HNRNPU: variants seen among roughly 807,000 people sequenced by gnomAD.
The protein encoded by HNRNPU is HNRNPU antisense RNA 1.
HNRNPU carries 5 observed loss-of-function variants against 94.7 expected under a neutral mutation model. The ratio of observed to expected loss-of-function variants is 0.05; its 90% confidence interval spans 0.03 to 0.11. HNRNPU has a LOEUF of 0.11. HNRNPU is among the 10% of genes least tolerant of loss of function. The pLI, the probability that HNRNPU is intolerant of heterozygous loss-of-function variation, is 1.00. For missense variants in HNRNPU, 710 were observed against 1,049.2 expected, an observed-to-expected ratio of 0.68 and a Z score of 4.47; for synonymous variants, 434 against 381.6, an observed-to-expected ratio of 1.14 and a Z score of -1.60.
chr1:244,851,453 T>G lies in HNRNPU; in HGVS notation c.*2997A>C, dbSNP rs2102982579. On this transcript the variant is annotated 3_prime_UTR_variant, in exon 14 of 14. Transcript: ENST00000640218. ...TCCAATTCCCACAAATGAGACATTT[T>G]AAATACAGAATACACTCTGTTCATG... The G allele has an allele frequency of 1.3e-5, 2 of 152,258 alleles. No homozygotes were observed. Among genetic ancestry groups the G allele is most frequent in the Middle Eastern group, 6.8e-3 (2 of 294 alleles). The allele number at this position is 152,258 out of a possible 1,614,324, so 9.4% of individuals were successfully genotyped here.
chr1:244,862,645 C>T lies in HNRNPU; in HGVS notation c.777G>A (p.Glu259=). 1 of 1,613,762 alleles carries T rather than the reference C, an allele frequency of 6.2e-7. No homozygotes were observed. Among genetic ancestry groups the T allele is most frequent in the Non-Finnish European group, 8.5e-7 (1 of 1,179,644 alleles). The change falls in exon 2 of 14, where the codon GAG becomes GAA. Residue 259 remains glutamate (E), a synonymous_variant. Coordinates refer to ENST00000640218, the MANE Select transcript of HNRNPU (RefSeq NM_031844.3). ...PREDHGRGYF[E]YIEENKYSRA... ...TGCTATACTTGTTCTCTTCAATGTA[C>T]TCAAAATATCCACGGCCATGATCTT...
chr1:244,860,616 T>C, intron 3 of HNRNPU, 142 bp from the exon 4 acceptor site: 1 of 663,590 alleles, frequency 1.5e-6, no homozygotes, highest in Non-Finnish European at 2.6e-6. Context: ...TTGTTCCAAT[T>C]TTCAGTTTAA....
chr1:244,858,898 C>CA, intron 5 of HNRNPU, 57 bp from the exon 6 acceptor site: 2 of 801,906 alleles, frequency 2.5e-6, no homozygotes, highest in South Asian at 3.0e-5. Context: ...AAAGACTCAT[C>CA]TATTTTACTA....
chr1:244,861,181 A>C (rs1680816261), intron 3 of HNRNPU: 1 of 152,236 alleles, frequency 6.6e-6, no homozygotes, highest in Non-Finnish European at 1.5e-5. Context: ...TTGAACAGCT[A>C]AAGTCAAGCT....
At chr1:244,856,952 C>T (rs985931362) in intron 8 of HNRNPU, 96 bp from the exon 9 acceptor site, 20 of 1,008,112 alleles carry the variant, frequency 2.0e-5, no homozygotes, top group South Asian at 1.6e-5. Flanking sequence ...AAGCAGGCAA[C>T]ATTTTATAAT....
Position 244,856,629 on chromosome 1 carries a change from T to TA in HNRNPU, c.1744-5dup, listed in dbSNP as rs770379796. 6.2e-6 allele frequency: 10 copies of TA among 1,611,570 alleles called. No homozygotes were observed. The highest frequency in any genetic ancestry group is 8.5e-6 in the Non-Finnish European group (10 of 1,179,322). On this transcript the variant is annotated splice_region_variant and splice_polypyrimidine_tract_variant and intron_variant, in intron 9 of 13. Coordinates refer to ENST00000640218, the MANE Select transcript of HNRNPU (RefSeq NM_031844.3). ...GGGCAGCAGCAGACACATTTGTCTT[T>TA]AAAAAAAGAAATTTATGTTTACAAC...
In HNRNPU at chr1:244,864,373, G is replaced by C. The variant is rs1169391125; in HGVS notation, c.-66C>G. The C allele has an allele frequency of 4.4e-6, 7 of 1,587,890 alleles. No homozygotes were observed. The highest frequency in any genetic ancestry group is 5.1e-6 in the Non-Finnish European group (6 of 1,171,650). ...CGGCTCCGCTCACTCGGCCACTGGTGGCGGCTGCTGCGGCTGCTCCTCGGC... is the reference window on the plus strand; with the variant it reads ...CGGCTCCGCTCACTCGGCCACTGGTCGCGGCTGCTGCGGCTGCTCCTCGGC... On this transcript the variant is annotated 5_prime_UTR_variant, in exon 1 of 14. Transcript: ENST00000640218.
At chr1:244,856,956 T>G in intron 8 of HNRNPU, 100 bp from the exon 9 acceptor site, 1 of 987,588 alleles carries the variant, frequency 1.0e-6, no homozygotes, top group Admixed American at 2.5e-5. Context: ...AGGCAACATT[T>G]TATAATTTAA....
At position 244,851,321 on chromosome 1, in the gene HNRNPU, A is replaced by C. The variant is rs1680543197; in HGVS notation, c.*3129T>G. On this transcript the variant is annotated 3_prime_UTR_variant, in exon 14 of 14. Transcript: ENST00000640218. Reference sequence around the variant, plus strand: ...TCCAAGATGTCTACACCACTGCCTAAGAAGCTATTAAAATATTTGTATTTG... The same window carrying C: ...TCCAAGATGTCTACACCACTGCCTACGAAGCTATTAAAATATTTGTATTTG... 6.6e-6 allele frequency: 1 copy of C among 152,254 alleles called. No individual in the cohort carries two copies. Among genetic ancestry groups the C allele is most frequent in the South Asian group, 2.1e-4 (1 of 4,838 alleles). 9.4% of individuals were successfully genotyped at this position (152,254 alleles called of 1,614,324 possible). A position where few individuals can be genotyped will look rare whatever the true frequency, so the allele number is the denominator to read the frequency against.
rs748494714 is a variant in HNRNPU, at chr1:244,856,470, G to A, written c.1899C>T (p.Val633=). The change falls in exon 10 of 14, where the codon GTC becomes GTT. Residue 633 remains valine (V), a synonymous_variant. Coordinates refer to ENST00000640218, the MANE Select transcript of HNRNPU (RefSeq NM_031844.3). ...AAAATTCCATGCCTTTCATTTTGAG[G>A]ACCGCATGTTCTGGTAGGTCTTTCC... ...VEGKDLPEHA[V]LKMKGNFTLP... The A allele has an allele frequency of 6.2e-7, 1 of 1,607,908 alleles. No homozygotes were observed. Among genetic ancestry groups the A allele is most frequent in the African/African-American group, 1.3e-5 (1 of 74,674 alleles).
At position 244,850,600 on chromosome 1, in the gene HNRNPU, T is replaced by C. The variant is rs1286472935; in HGVS notation, c.*3850A>G. The stretch of plus-strand genomic sequence containing the variant: ...GTATTAGTAATTCAAATTACTGTTT[T>C]AGAGATCTCAGGTAGTTAACCAATT... On this transcript the variant is annotated 3_prime_UTR_variant, in exon 14 of 14. Transcript: ENST00000640218. The C allele has an allele frequency of 1.3e-5, 2 of 152,110 alleles. No homozygotes were observed. The highest frequency in any genetic ancestry group is 4.8e-5 in the African/African-American group (2 of 41,420). The allele number at this position is 152,110 out of a possible 1,614,324, so 9.4% of individuals were successfully genotyped here. A position where few individuals can be genotyped will look rare whatever the true frequency, so the allele number is the denominator to read the frequency against.
intron 1 of HNRNPU, among the ~76,000 whole-genome samples, 161 bp downstream of exon 1, chr1:244,863,456 C>G (rs1573337150): frequency 6.6e-6 from 1 of 151,006 alleles, no homozygotes; most frequent in African/African-American, 2.4e-5. Context: ...AGCCCGAGGC[C>G]TCTCGGCTAA....
chr1:244,858,226 C>T lies in HNRNPU; in HGVS notation c.1279G>A (p.Asp427Asn). Reference sequence around the variant, plus strand: ...CTGATTTTGAAGGCAACGCCAAGATCTTGTCCATTCTTAGCATACGAGAGT... The same window carrying T: ...CTGATTTTGAAGGCAACGCCAAGATTTTGTCCATTCTTAGCATACGAGAGT... ...VELSYAKNGQ[D>N]LGVAFKISKE... The change falls in exon 7 of 14, where the codon GAT becomes AAT. Residue 427 changes from aspartate (D) to asparagine (N), a missense_variant. This residue lies in a region of HNRNPU where 150 missense variants were observed against 187.9 expected (regional missense o/e 0.80). Transcript: ENST00000640218. 1.2e-6 allele frequency: 2 copies of T among 1,614,018 alleles called. No homozygotes were observed. The highest frequency in any genetic ancestry group is 2.2e-5 in the South Asian group (2 of 91,078).
Position 244,862,883 on chromosome 1 carries a change from C to T in HNRNPU, c.692-153G>A, listed in dbSNP as rs1680876374. On this transcript the variant is annotated intron_variant, in intron 1 of 13. Coordinates refer to ENST00000640218, the MANE Select transcript of HNRNPU (RefSeq NM_031844.3). ...TGTGAATTCAAAGAACAATCAACTACGAATTCGATTGGCGCTAGTGACGCA... is the reference window on the plus strand; with the variant it reads ...TGTGAATTCAAAGAACAATCAACTATGAATTCGATTGGCGCTAGTGACGCA... The T allele has an allele frequency of 4.5e-6, 3 of 667,334 alleles. No homozygotes were observed. In the African/African-American group the frequency reaches 5.4e-5, roughly 12 times the overall value. 41.3% of individuals were successfully genotyped at this position (667,334 alleles called of 1,614,324 possible). A position where few individuals can be genotyped will look rare whatever the true frequency, so the allele number is the denominator to read the frequency against.
chr1:244,857,237 TTTTTC>T lies in HNRNPU; in HGVS notation c.1614+356_1614+360del, dbSNP rs200959454. The T allele has an allele frequency of 1.6e-3, 364 of 223,412 alleles. 1 individual carries two copies. Among genetic ancestry groups the T allele is most frequent in the African/African-American group, 7.4e-3 (319 of 43,268 alleles). The allele number at this position is 223,412 out of a possible 1,614,324, so 13.8% of individuals were successfully genotyped here. On this transcript the variant is annotated intron_variant, in intron 8 of 13. Transcript: ENST00000640218. Reference sequence around the variant, plus strand: ...ACCTAGAATACCTCCCGGTCTATAATTTTTCTTTTCTTTTTTTTTTTTTTCTGAGA... The same window carrying T: ...ACCTAGAATACCTCCCGGTCTATAATTTTTCTTTTTTTTTTTTTTCTGAGA...
intron 1 of HNRNPU, 81 bp downstream of exon 1, chr1:244,863,518 CCGGGGCTCCCTCCCCCTG>C (rs1680911045): frequency 4.0e-6 from 5 of 1,258,328 alleles, no homozygotes; most frequent in Non-Finnish European, 5.0e-6. Flanking sequence ...GCCCTCCCGC[CCGGGGCTCCCTCCCCCTG>C]CGGGGCTCCG....
At chr1:244,859,546 CTTGA>C in intron 4 of HNRNPU, 172 bp from the exon 5 acceptor site, 1 of 432,700 alleles carries the variant, frequency 2.3e-6, no homozygotes, top group Non-Finnish European at 4.1e-6. Context: ...GTGCTTATAA[CTTGA>C]AATTTAAAGA....
chr1:244,859,174 A>T, intron 5 of HNRNPU, 101 bp downstream of exon 5: 1 of 665,396 alleles, frequency 1.5e-6, no homozygotes, highest in South Asian at 1.8e-5. Flanking sequence ...CAGAATAGAT[A>T]AAAACAGACA....
intron 8 of HNRNPU, chr1:244,857,159 T>TC: frequency 3.7e-6 from 1 of 271,238 alleles, no homozygotes; most frequent in Middle Eastern, 1.2e-3. Flanking sequence ...TTGCCTTTCC[T>TC]CCCATCTCTT....
Sources: gnomAD v4.1 joint callset for allele counts (sites outside exome capture counted in the v4.1 genomes callset) on GRCh38, gnomAD v4.1.1 for gene constraint, gnomAD v4.1.1 regional missense constraint, MANE v1.5 for transcripts, NCBI Gene and HGNC (gene_info 2026-07-23, HGNC 2026-07-21) for gene names.